The following DNAH3 variants were observed in gnomAD, a reference collection of about 807,000 sequenced individuals.
DNAH3 encodes dynein axonemal heavy chain 3.
DNAH3 carries 332 observed loss-of-function variants against 432.5 expected under a neutral mutation model. The ratio of observed to expected loss-of-function variants is 0.77; its 90% CI spans 0.70 to 0.84. The LOEUF (loss-of-function observed/expected upper bound fraction) is 0.84, where lower values mean the gene tolerates loss of function less well. DNAH3 is among the 40% of genes least tolerant of loss of function. The probability of loss-of-function intolerance (pLI) is 0.00; values close to 1 mark genes in which losing one functional copy is unlikely to be tolerated. For missense variants in DNAH3, 4,861 were observed against 5,114.0 expected, an observed-to-expected ratio of 0.95 and a Z score of 1.51; for synonymous variants, 1,956 against 1,900.2, an observed-to-expected ratio of 1.03 and a Z score of -0.76.
chr16:21,065,918 C>G (rs372914940), intron 24 of DNAH3, among the ~76,000 whole-genome samples: 43 of 152,176 alleles, frequency 2.8e-4, no homozygotes, highest in African/African-American at 9.2e-4. Flanking sequence ...CCTCCACCTC[C>G]CAGGTTCAAG....
In DNAH3 at chr16:20,950,415, C is replaced by T. The variant is rs541585839; in HGVS notation, c.11189-1778G>A. ...TCCCTAGCCTCCACTACTATAACTG[C>T]CAGTAGCACGCACTATGACATCCAA... On this transcript the variant is annotated intron_variant, in intron 56 of 61. Transcript: ENST00000261383. Among the ~76,000 whole-genome samples the T allele has an allele frequency of 7.4e-4, 113 of 152,326 alleles. 1 individual carries two copies. Among genetic ancestry groups the T allele is most frequent in the African/African-American group, 2.6e-3 (110 of 41,568 alleles).
chr16:21,141,235 T>G, intron 4 of DNAH3, 65 bp downstream of exon 5: 102 of 1,122,268 alleles, frequency 9.1e-5, no homozygotes, highest in Non-Finnish European at 1.2e-4. Context: ...GTGGCTTTAG[T>G]GAGACCACAT....
intron 21 of DNAH3, among the ~76,000 whole-genome samples, chr16:21,072,902 T>G (rs1369128497): frequency 1.3e-5 from 2 of 151,786 alleles, no homozygotes; most frequent in Non-Finnish European, 2.9e-5. Context: ...CAGGCTGTTC[T>G]CGAACTCCTG....
At chr16:20,969,887 A>C (rs748189455) in exon 52 of DNAH3, 1 of 1,614,104 alleles carries the variant, frequency 6.2e-7, no homozygotes, top group South Asian at 1.1e-5. Flanking sequence ...TGGGTTCTGC[A>C]TCGACTTCAC....
intron 41 of DNAH3, among the ~76,000 whole-genome samples, chr16:21,006,236 A>G (rs983290245): frequency 6.6e-6 from 1 of 152,210 alleles, no homozygotes; most frequent in African/African-American, 2.4e-5. Context: ...TAATTCACTT[A>G]TTAGATCATT....
At position 20,978,265 on chromosome 16, in the gene DNAH3, A is replaced by G. The variant is rs370389053; in HGVS notation, c.8076+1065T>C. 1.2e-3 allele frequency among the ~76,000 whole-genome samples: 178 copies of G among 152,320 alleles called. 6 individuals are homozygous for G. In the South Asian group the frequency reaches 0.036, roughly 30 times the overall value. ...GACAAGGTGGCCGGGCGGGTGGCTCATGCCTGTAATCCCAGCACTTTGGGA... is the reference window on the plus strand; with the variant it reads ...GACAAGGTGGCCGGGCGGGTGGCTCGTGCCTGTAATCCCAGCACTTTGGGA... On this transcript the variant is annotated intron_variant, in intron 50 of 61. Transcript: ENST00000261383.
chr16:20,981,929 TATAC>T (rs1338004901), intron 49 of DNAH3, among the ~76,000 whole-genome samples: 7 of 149,312 alleles, frequency 4.7e-5, no homozygotes, highest in South Asian at 2.1e-4. Context: ...TGTATGCATA[TATAC>T]ATACATAAAG....
At chr16:21,011,687 C>T (rs1431796080) in intron 41 of DNAH3, among the ~76,000 whole-genome samples, 5 of 151,840 alleles carry the variant, frequency 3.3e-5, no homozygotes, top group Admixed American at 3.3e-4. Flanking sequence ...GGACTTGAAG[C>T]CAAATTTCAG....
chr16:20,987,974 G>C, exon 45 of DNAH3: 2 of 1,614,166 alleles, frequency 1.2e-6, no homozygotes, highest in Non-Finnish European at 1.7e-6. Flanking sequence ...CTTTCCCGAA[G>C]TGCCAGTCAA....
chr16:21,005,576 G>C (rs549520343), intron 41 of DNAH3, among the ~76,000 whole-genome samples: 2 of 151,946 alleles, frequency 1.3e-5, no homozygotes, highest in South Asian at 4.2e-4. Flanking sequence ...ATAAGGTCTT[G>C]CTATGTTGCC....
chr16:21,124,848 C>A (rs2092414865), intron 9 of DNAH3, among the ~76,000 whole-genome samples: 1 of 152,138 alleles, frequency 6.6e-6, no homozygotes, highest in African/African-American at 2.4e-5. Context: ...CAGGGTTTCA[C>A]CATGATGGCC....
intron 1 of DNAH3, 89 bp from the exon 2 acceptor site, chr16:21,150,623 A>AG (rs1267865843): frequency 5.3e-6 from 1 of 189,990 alleles, no homozygotes; most frequent in Non-Finnish European, 1.1e-5. Context: ...CTAGTCCCCC[A>AG]GCGGTGGCCA....
chr16:21,106,730 T>TA, intron 14 of DNAH3, 56 bp from the exon 15 acceptor site: 1 of 1,326,912 alleles, frequency 7.5e-7, no homozygotes, highest in Admixed American at 2.5e-5. Flanking sequence ...CATCACCATC[T>TA]AAAATGACTT....
chr16:20,959,483 A>G, intron 53 of DNAH3, 79 bp from the exon 54 acceptor site: 1 of 1,420,654 alleles, frequency 7.0e-7, no homozygotes. Context: ...CAACAATAAC[A>G]ACATGGCTGG....
intron 52 of DNAH3, among the ~76,000 whole-genome samples, chr16:20,966,781 T>C (rs983784609): frequency 4.6e-5 from 7 of 152,158 alleles, no homozygotes; most frequent in Non-Finnish European, 1.0e-4. Flanking sequence ...CAATCAGTCC[T>C]CCCTTTGATG....
At chr16:21,079,198 C>T (rs561953416) in intron 20 of DNAH3, among the ~76,000 whole-genome samples, 2 of 152,284 alleles carry the variant, frequency 1.3e-5, no homozygotes, top group African/African-American at 4.8e-5. Context: ...TTGATTCTTT[C>T]CTAAGTGAAA....
chr16:21,058,255 T>C, intron 26 of DNAH3, 59 bp from the exon 27 acceptor site: 1 of 1,035,428 alleles, frequency 9.7e-7, no homozygotes, highest in Non-Finnish European at 1.5e-6. Flanking sequence ...AAACTGAGTT[T>C]ACGAAAACAT....
At chr16:20,989,457 T>A (rs1048537606) in intron 44 of DNAH3, among the ~76,000 whole-genome samples, 3 of 152,148 alleles carry the variant, frequency 2.0e-5, no homozygotes. Context: ...ATACAGAGTG[T>A]CGATTGGTGC....
intron 7 of DNAH3, among the ~76,000 whole-genome samples, chr16:21,131,533 G>GAAAGA (rs2092561335): frequency 6.6e-6 from 1 of 151,064 alleles, no homozygotes; most frequent in Non-Finnish European, 1.5e-5. Context: ...AGGAAGGAAA[G>GAAAGA]AAAGAAAAAG....
Sources: allele counts gnomAD v4.1 joint callset (sites outside exome capture counted in the v4.1 genomes callset), GRCh38; gene constraint gnomAD v4.1.1; transcripts MANE v1.5; gene names NCBI Gene and HGNC (gene_info 2026-07-23, HGNC 2026-07-21).